The following SYTL5 variants were observed in gnomAD, a reference collection of about 807,000 sequenced individuals.
SYTL5 encodes synaptotagmin like 5.
Under a neutral mutation model 55.9 loss-of-function variants are expected in SYTL5, and 34 were observed. The ratio of observed to expected loss-of-function variants is 0.61; its 90% CI spans 0.46 to 0.81. The LOEUF (loss-of-function observed/expected upper bound fraction) is 0.81, where lower values mean the gene tolerates loss of function less well. Ranked by LOEUF, SYTL5 falls within the 30% of genes least tolerant of loss-of-function variation. SYTL5 has a pLI of 0.00. For missense variants in SYTL5, 637 were observed against 546.7 expected, an observed-to-expected ratio of 1.17 and a Z score of -1.65; for synonymous variants, 221 against 188.7, an observed-to-expected ratio of 1.17 and a Z score of -1.40.
At chrX:38,073,320 A>G (rs1021932465) in intron 4 of SYTL5, among the ~76,000 whole-genome samples, 6 of 111,793 alleles carry the variant, frequency 5.4e-5, no homozygotes, top group Non-Finnish European at 7.5e-5. Context: ...AAAAATATCA[A>G]CAGAAGGCTG....
intron 3 of SYTL5, among the ~76,000 whole-genome samples, chrX:38,062,849 ACCT>A (rs1274534252): frequency 1.6e-4 from 18 of 112,009 alleles, no homozygotes; most frequent in African/African-American, 5.8e-4. Flanking sequence ...AATGTGAATA[ACCT>A]CCTACTTTCT....
At chrX:38,093,229 A>G (rs949504648) in intron 7 of SYTL5, among the ~76,000 whole-genome samples, 34 of 112,284 alleles carry the variant, frequency 3.0e-4, no homozygotes, top group African/African-American at 1.0e-3. Context: ...ATCAATTAGC[A>G]TATTAAGCAA....
chrX:37,900,326 A>G, the SYTL5 span, among the ~76,000 whole-genome samples: 3 of 112,705 alleles, frequency 2.7e-5, no homozygotes, highest in Non-Finnish European at 5.6e-5. Flanking sequence ...TTCATAGTTT[A>G]TATTCTACAA....
the SYTL5 span, among the ~76,000 whole-genome samples, chrX:37,892,733 CGTATATTAGTAT>C: frequency 1.7e-3 from 127 of 73,649 alleles, 1 homozygote; most frequent in African/African-American, 0.012. Flanking sequence ...AGTATATATA[CGTATATTAGTAT>C]ATATGTATAT....
the SYTL5 span, among the ~76,000 whole-genome samples, chrX:37,991,855 T>G: frequency 8.9e-6 from 1 of 112,106 alleles, no homozygotes; most frequent in Non-Finnish European, 1.9e-5. Context: ...CTTTATGCCC[T>G]GCCTTATTAT....
At chrX:38,107,570 A>G (rs1285401826) in intron 11 of SYTL5, among the ~76,000 whole-genome samples, 1 of 112,000 alleles carries the variant, frequency 8.9e-6, no homozygotes, top group Non-Finnish European at 1.9e-5. Flanking sequence ...ACAACGAGCC[A>G]CTTTTATCAG....
At chrX:37,999,646 T>G in the SYTL5 span, among the ~76,000 whole-genome samples, 5 of 112,096 alleles carry the variant, frequency 4.5e-5, no homozygotes, top group Non-Finnish European at 7.5e-5. Context: ...AGAATTTACT[T>G]GGGGGACCAT....
the SYTL5 span, among the ~76,000 whole-genome samples, chrX:37,974,769 G>C: frequency 1.8e-5 from 2 of 112,289 alleles, no homozygotes; most frequent in East Asian, 5.5e-4. Flanking sequence ...AATGAATCCA[G>C]ATAACAGATT....
the SYTL5 span, among the ~76,000 whole-genome samples, chrX:37,967,908 T>C: frequency 2.8e-5 from 3 of 107,886 alleles, no homozygotes; most frequent in African/African-American, 1.0e-4. Context: ...ATTTTGCTCA[T>C]CCTTTCTTCT....
At chrX:37,939,969 C>T in the SYTL5 span, among the ~76,000 whole-genome samples, 1 of 110,976 alleles carries the variant, frequency 9.0e-6, no homozygotes, top group Non-Finnish European at 1.9e-5. Context: ...ATAGCTGGGA[C>T]TACAGGCGTG....
At chrX:38,106,461 G>C (rs931523252) in intron 10 of SYTL5, 132 bp from the exon 11 acceptor site, 2 of 558,693 alleles carry the variant, frequency 3.6e-6, no homozygotes, top group African/African-American at 4.8e-5. Flanking sequence ...AGTGACTCTT[G>C]TTTTCTTTCC....
chrX:38,010,766 G>A (rs1934151116), intron 1 of SYTL5, among the ~76,000 whole-genome samples: 1 of 111,536 alleles, frequency 9.0e-6, no homozygotes, highest in East Asian at 2.8e-4. Context: ...CCCAAAGTGT[G>A]TATTTTTACT....
chrX:38,119,425 A>T (rs1937545091), intron 13 of SYTL5, among the ~76,000 whole-genome samples: 1 of 112,427 alleles, frequency 8.9e-6, no homozygotes, highest in Non-Finnish European at 1.9e-5. Flanking sequence ...ACATAAATGA[A>T]ATCATAAAGT....
intron 8 of SYTL5, among the ~76,000 whole-genome samples, chrX:38,095,570 G>T (rs1222598865): frequency 9.0e-6 from 1 of 111,729 alleles, no homozygotes; most frequent in Non-Finnish European, 1.9e-5. Flanking sequence ...TGAAAACAAG[G>T]TGTTCTTCTG....
the SYTL5 span, among the ~76,000 whole-genome samples, chrX:37,912,889 TA>T: frequency 8.9e-6 from 1 of 112,109 alleles, no homozygotes; most frequent in Non-Finnish European, 1.9e-5. Context: ...ATACCAGTTT[TA>T]TTACTGGTAA....
chrX:37,974,442 A>T, the SYTL5 span, among the ~76,000 whole-genome samples: 1 of 111,857 alleles, frequency 8.9e-6, no homozygotes, highest in Non-Finnish European at 1.9e-5. Context: ...AGGTATGGGA[A>T]ATGATTGTTT....
chrX:38,026,284 C>T (rs1371829332), intron 1 of SYTL5, among the ~76,000 whole-genome samples: 3 of 112,025 alleles, frequency 2.7e-5, no homozygotes, highest in African/African-American at 9.7e-5. Flanking sequence ...GGAAGGACTG[C>T]GTTATCATCA....
chrX:37,985,983 A>G, the SYTL5 span, among the ~76,000 whole-genome samples: 1 of 111,231 alleles, frequency 9.0e-6, no homozygotes, highest in Non-Finnish European at 1.9e-5. Flanking sequence ...TTGGACCCTT[A>G]CCTTAGACTA....
chrX:38,043,603 GTAAA>G (rs1356183174), intron 2 of SYTL5, among the ~76,000 whole-genome samples: 1 of 94,837 alleles, frequency 1.1e-5, no homozygotes, highest in African/African-American at 3.9e-5. Context: ...CTTCCCAGAG[GTAAA>G]TAGTCTCCAT....
Sources: gnomAD v4.1 joint callset for allele counts (sites outside exome capture counted in the v4.1 genomes callset) on GRCh38, gnomAD v4.1.1 for gene constraint, MANE v1.5 for transcripts, NCBI Gene and HGNC (gene_info 2026-07-23, HGNC 2026-07-21) for gene names.